COG6: variants seen among roughly 807,000 people sequenced by gnomAD.
The protein encoded by COG6 is conserved oligomeric Golgi complex subunit 6.
Under a neutral mutation model 88.8 loss-of-function variants are expected in COG6, and 74 were observed. That is an observed-to-expected ratio of 0.83 (90% CI 0.69 to 1.01). The LOEUF is 1.01. Ranked by LOEUF, COG6 falls within the 50% of genes least tolerant of loss-of-function variation. COG6 has a pLI of 0.00. For missense variants in COG6, 800 were observed against 797.9 expected, an observed-to-expected ratio of 1.00 and a Z score of -0.03; for synonymous variants, 286 against 278.7, an observed-to-expected ratio of 1.03 and a Z score of -0.26.
At chr13:39,671,107 C>G (rs1271009557) in intron 4 of COG6, among the ~76,000 whole-genome samples, 2 of 151,940 alleles carry the variant, frequency 1.3e-5, no homozygotes, top group Admixed American at 6.6e-5. Flanking sequence ...AGGAGCCTGA[C>G]TGAGATAAGC....
intron 4 of COG6, among the ~76,000 whole-genome samples, chr13:39,669,668 T>C (rs7320424): frequency 0.27 from 41,558 of 152,096 alleles, 5,884 homozygotes; most frequent in African/African-American, 0.36. Context: ...GCTTGTAATA[T>C]GGGGCTCTAA....
intron 18 of COG6, among the ~76,000 whole-genome samples, chr13:39,758,243 TGAC>T (rs1168600670): frequency 0.011 from 1,410 of 131,604 alleles, 28 homozygotes; most frequent in East Asian, 0.038. Context: ...AAAAAAAAAA[TGAC>T]GAGCTGGACG....
intron 18 of COG6, 134 bp from the exon 19 acceptor site, chr13:39,750,812 G>A (rs1880581127): frequency 1.5e-6 from 1 of 687,400 alleles, no homozygotes; most frequent in African/African-American, 1.8e-5. Context: ...TAGCCATATA[G>A]TGATTATTAA....
chr13:39,688,354 C>T (rs1876786861), intron 10 of COG6, among the ~76,000 whole-genome samples: 1 of 152,140 alleles, frequency 6.6e-6, no homozygotes, highest in Non-Finnish European at 1.5e-5. Flanking sequence ...TTTAATTTGA[C>T]TCACGGTTCT....
chr13:39,683,680 T>C (rs1566178088), intron 8 of COG6, among the ~76,000 whole-genome samples: 1 of 152,180 alleles, frequency 6.6e-6, no homozygotes, highest in Non-Finnish European at 1.5e-5. Flanking sequence ...CATTTGGCGT[T>C]TGATTTTAAC....
chr13:39,755,181 TAAAAAAAGA>T (rs1880792640), downstream of COG6, among the ~76,000 whole-genome samples: 4 of 152,086 alleles, frequency 2.6e-5, no homozygotes, highest in Non-Finnish European at 5.9e-5. Flanking sequence ...CTGAGTTACT[TAAAAAAAGA>T]GAAAAAAAAG....
intron 12 of COG6, among the ~76,000 whole-genome samples, chr13:39,697,692 C>G (rs1877352976): frequency 6.6e-6 from 1 of 151,908 alleles, no homozygotes; most frequent in Admixed American, 6.6e-5. Context: ...CCCTCATTCC[C>G]CTCCAGTCTA....
At chr13:39,723,771 T>C (rs890227789) in intron 16 of COG6, among the ~76,000 whole-genome samples, 1 of 152,092 alleles carries the variant, frequency 6.6e-6, no homozygotes, top group African/African-American at 2.4e-5. Flanking sequence ...TATTATAAAA[T>C]GTCTAAAGAA....
chr13:39,706,263 A>G (rs897946526), intron 13 of COG6, among the ~76,000 whole-genome samples: 1 of 142,748 alleles, frequency 7.0e-6, no homozygotes, highest in African/African-American at 2.5e-5. Flanking sequence ...CTTTATATAT[A>G]TATATATATA....
intron 18 of COG6, among the ~76,000 whole-genome samples, chr13:39,768,183 A>G (rs1158195969): frequency 2.6e-5 from 4 of 152,216 alleles, no homozygotes; most frequent in Admixed American, 2.6e-4. Context: ...TAATGAGGCA[A>G]TTATATTTTA....
chr13:39,751,752 G>A lies in COG6; in HGVS notation c.*659G>A. 1 of 1,287,032 alleles carries A rather than the reference G, an allele frequency of 7.8e-7. No individual in the cohort carries two copies. Among genetic ancestry groups the A allele is most frequent in the Non-Finnish European group, 1.0e-6 (1 of 988,586 alleles). The allele number at this position is 1,287,032 out of a possible 1,614,324, so 79.7% of individuals were successfully genotyped here. A position where few individuals can be genotyped will look rare whatever the true frequency, so the allele number is the denominator to read the frequency against. ...CACTCAGCAATAATTAGAAAAAAAGGAGAGAGAAAAGTGATTTAAACAGGG... is the reference window on the plus strand; with the variant it reads ...CACTCAGCAATAATTAGAAAAAAAGAAGAGAGAAAAGTGATTTAAACAGGG... On this transcript the variant is annotated 3_prime_UTR_variant, in exon 19 of 19. Transcript: ENST00000455146.
At chr13:39,662,351 T>C (rs1874956403) in intron 3 of COG6, among the ~76,000 whole-genome samples, 1 of 152,064 alleles carries the variant, frequency 6.6e-6, no homozygotes, top group Non-Finnish European at 1.5e-5. Flanking sequence ...GGTCTCGAAC[T>C]CCTGACCTCA....
chr13:39,703,699 T>C (rs2138042410), intron 13 of COG6, among the ~76,000 whole-genome samples: 1 of 152,182 alleles, frequency 6.6e-6, no homozygotes, highest in South Asian at 2.1e-4. Flanking sequence ...AAATGATAGA[T>C]TGTTTAATAC....
At chr13:39,665,829 T>C (rs1446280102) in intron 4 of COG6, among the ~76,000 whole-genome samples, 2 of 152,222 alleles carry the variant, frequency 1.3e-5, no homozygotes, top group African/African-American at 4.8e-5. Context: ...ATCAGTAATA[T>C]GGAGATATTA....
chr13:39,768,928 C>T (rs148667664), intron 18 of COG6, among the ~76,000 whole-genome samples: 1 of 152,166 alleles, frequency 6.6e-6, no homozygotes, highest in African/African-American at 2.4e-5. Context: ...GGTTTTATCA[C>T]ATATGTATGT....
intron 17 of COG6, among the ~76,000 whole-genome samples, chr13:39,726,064 T>C (rs1449828731): frequency 6.6e-6 from 1 of 152,014 alleles, no homozygotes; most frequent in Non-Finnish European, 1.5e-5. Context: ...AATATGAATA[T>C]ACGATGTCTC....
chr13:39,723,204 G>T, intron 15 of COG6, 129 bp from the exon 16 acceptor site: 1 of 667,614 alleles, frequency 1.5e-6, no homozygotes. Context: ...CTTACTGTTT[G>T]GGGGAAGAAA....
intron 5 of COG6, among the ~76,000 whole-genome samples, chr13:39,678,841 A>T (rs1389401525): frequency 6.6e-6 from 1 of 152,136 alleles, no homozygotes; most frequent in Non-Finnish European, 1.5e-5. Flanking sequence ...TACTGCCCTC[A>T]TGTTTTGAGG....
At chr13:39,725,744 TAAA>T (rs985410060) in intron 17 of COG6, among the ~76,000 whole-genome samples, 1 of 151,788 alleles carries the variant, frequency 6.6e-6, no homozygotes, top group African/African-American at 2.4e-5. Context: ...AATTCGATAT[TAAA>T]AAGTTTAAAT....
Sources: allele counts gnomAD v4.1 joint callset (sites outside exome capture counted in the v4.1 genomes callset), GRCh38; gene constraint gnomAD v4.1.1; transcripts MANE v1.5; gene names NCBI Gene and HGNC (gene_info 2026-07-23, HGNC 2026-07-21).